Variants in DIS3L observed in about 807,000 individuals in gnomAD.
The protein encoded by DIS3L is DIS3-like exonuclease 1.
A neutral mutation model predicts 120.3 loss-of-function variants in DIS3L; 100 were observed. The observed-to-expected ratio is 0.83, with a 90% CI of 0.71 to 0.98. The LOEUF (loss-of-function observed/expected upper bound fraction) is 0.98, where lower values mean the gene tolerates loss of function less well. Among genes scored for constraint, DIS3L ranks in the 50% least tolerant of loss-of-function variants. The probability of loss-of-function intolerance (pLI) is 0.00; values close to 1 mark genes in which losing one functional copy is unlikely to be tolerated. For synonymous variants in DIS3L, 426 were observed against 470.6 expected (o/e 0.91, Z 1.23); for missense variants, 1,196 against 1,314.2 (o/e 0.91, Z 1.39).
intron 2 of DIS3L, among the ~76,000 whole-genome samples, chr15:66,300,320 T>C (rs2092634233): frequency 6.6e-6 from 1 of 152,186 alleles, no homozygotes; most frequent in Admixed American, 6.5e-5. Flanking sequence ...TATAATTCCA[T>C]TTATGTAAAA....
At chr15:66,330,927 G>A (rs142405429) in intron 14 of DIS3L, among the ~76,000 whole-genome samples, 5 of 152,224 alleles carry the variant, frequency 3.3e-5, no homozygotes, top group African/African-American at 2.4e-5. Flanking sequence ...GGTCGAGGCC[G>A]GTGGATCACC....
chr15:66,319,295 G>A (rs1157022082), intron 8 of DIS3L, among the ~76,000 whole-genome samples: 1 of 152,154 alleles, frequency 6.6e-6, no homozygotes, highest in Non-Finnish European at 1.5e-5. Context: ...TAAGTAGTCT[G>A]TGGTTAATAA....
chr15:66,327,510 T>G (rs1182707894), intron 12 of DIS3L, among the ~76,000 whole-genome samples: 3 of 151,738 alleles, frequency 2.0e-5, no homozygotes, highest in Non-Finnish European at 4.4e-5. Flanking sequence ...GTAATCCCAG[T>G]ACTTTGGGAG....
intron 6 of DIS3L, 171 bp from the exon 7 acceptor site, chr15:66,314,865 G>A (rs1231879800): frequency 1.6e-6 from 1 of 608,008 alleles, no homozygotes; most frequent in African/African-American, 1.8e-5. Flanking sequence ...CATGGTGCCA[G>A]CAATTCTTCA....
At chr15:66,316,306 A>G (rs1215706939) in intron 7 of DIS3L, among the ~76,000 whole-genome samples, 1 of 134,398 alleles carries the variant, frequency 7.4e-6, no homozygotes, top group Non-Finnish European at 1.7e-5. Context: ...GTTATCCTTG[A>G]CTTTTTTTTT....
chr15:66,295,016 T>C lies in DIS3L; in HGVS notation c.168T>C (p.Thr56=). Residue 56 remains threonine (T), a synonymous_variant, in exon 2 of 17, where the codon ACT becomes ACC. Coordinates refer to ENST00000319212, the MANE Select transcript of DIS3L (RefSeq NM_001143688.3). ...HDGKLLSSDV[T]HYVIPDWKVV... is the part of the protein sequence containing the mutation. ...GGAAACTCTTGTCTAGTGATGTGACTCATTACGTGATCCCAGACTGGAAAG... is the reference window on the plus strand; with the variant it reads ...GGAAACTCTTGTCTAGTGATGTGACCCATTACGTGATCCCAGACTGGAAAG... 1 of 1,613,940 alleles carries C rather than the reference T, an allele frequency of 6.2e-7. No homozygotes were observed. The highest frequency in any genetic ancestry group is 8.5e-7 in the Non-Finnish European group (1 of 1,179,884).
At position 66,333,253 on chromosome 15, in the gene DIS3L, C is replaced by A. The variant is rs2093022110; in HGVS notation, c.3106C>A (p.Leu1036Ile). The change falls in exon 17 of 17, where the codon CTT becomes ATT. Residue 1036 changes from leucine to isoleucine, a missense_variant. Transcript: ENST00000319212. ...AACAAAGGGAAGGAGCCTATACACA[C>A]TTCTAGAGGAGATACGGGACCTAGC... Reference protein sequence around the residue: ...RQTKGRSLYTLLEEIRDLALL... With the variant: ...RQTKGRSLYTILEEIRDLALL... 6.2e-7 allele frequency: 1 copy of A among 1,613,310 alleles called. No homozygotes were observed. The highest frequency in any genetic ancestry group is 1.7e-5 in the Admixed American group (1 of 59,820).
At chr15:66,298,001 G>T (rs759274884) in intron 2 of DIS3L, among the ~76,000 whole-genome samples, 2 of 151,992 alleles carry the variant, frequency 1.3e-5, no homozygotes, top group Non-Finnish European at 2.9e-5. Context: ...CCAACATGGC[G>T]AAATCCTGTC....
rs781611432 is a variant in DIS3L at position 66,322,934 on chromosome 15, G to A, written c.1574G>A (p.Arg525Lys). 6.2e-7 allele frequency: 1 copy of A among 1,613,884 alleles called. No homozygotes were observed. Residue 525 changes from arginine to lysine, a missense_variant and splice_region_variant, in exon 10 of 17, where the codon AGG (arginine) becomes AAG (lysine). Transcript: ENST00000319212. ...NSYIDIEART[R>K]ATTYYLADRR... ...TACATTGATATTGAAGCTAGAACAA[G>A]GTAATGCTATTTGAAATCAGCTCTA...
chr15:66,326,251 C>G lies in DIS3L; in HGVS notation c.2088C>G (p.Ile696Met). The change falls in exon 12 of 17, where the codon ATC (isoleucine) becomes ATG (methionine). Residue 696 changes from isoleucine to methionine, a missense_variant. Physicochemically the swap from Ile to Met is conservative, Grantham distance 10 (BLOSUM62 1). Coordinates refer to ENST00000319212, the MANE Select transcript of DIS3L (RefSeq NM_001143688.3). ...ILANHWVAKKIWESFPHQALL... is the reference protein window; with the variant it reads ...ILANHWVAKKMWESFPHQALL... ...CCAACCACTGGGTCGCCAAAAAGATCTGGGAGAGCTTCCCTCATCAGGCCT... is the reference window on the plus strand; with the variant it reads ...CCAACCACTGGGTCGCCAAAAAGATGTGGGAGAGCTTCCCTCATCAGGCCT... The G allele has an allele frequency of 6.2e-7, 1 of 1,614,196 alleles. No homozygotes were observed. Among genetic ancestry groups the G allele is most frequent in the Non-Finnish European group, 8.5e-7 (1 of 1,180,038 alleles).
At chr15:66,311,450 T>C (rs887518948) in intron 4 of DIS3L, among the ~76,000 whole-genome samples, 3 of 151,964 alleles carry the variant, frequency 2.0e-5, no homozygotes, top group African/African-American at 7.3e-5. Context: ...GTGTATGTGG[T>C]GTGTGTGGAG....
In DIS3L at chr15:66,308,822, G is replaced by A. The variant is rs764197998; in HGVS notation, c.536G>A (p.Gly179Glu). 1.3e-5 allele frequency: 21 copies of A among 1,612,930 alleles called. No homozygotes were observed. Among genetic ancestry groups the A allele is most frequent in the Non-Finnish European group, 1.7e-5 (20 of 1,179,418 alleles). The change falls in exon 4 of 17, where the codon GGA becomes GAA. Residue 179 changes from glycine to glutamate, a missense_variant. Transcript: ENST00000319212. ...CAGCAGTATGGAAGTGAAACAGAAG[G>A]AGTATTCGTGATTACTTTCAAGGTA... ...AIQQYGSETE[G>E]VFVITFKNYL...
At chr15:66,306,140 A>T (rs1331748835) in intron 2 of DIS3L, among the ~76,000 whole-genome samples, 1 of 151,752 alleles carries the variant, frequency 6.6e-6, no homozygotes, top group African/African-American at 2.4e-5. Flanking sequence ...TACCACGCTA[A>T]TTTTTGTATT....
chr15:66,323,046 C>T, intron 10 of DIS3L, 112 bp downstream of exon 10: 1 of 1,384,676 alleles, frequency 7.2e-7, no homozygotes, highest in Non-Finnish European at 9.7e-7. Context: ...TTGAAGGTCC[C>T]TTCCAGAAAA....
At chr15:66,318,394 C>T in intron 7 of DIS3L, 55 bp from the exon 8 acceptor site, 1 of 1,568,670 alleles carries the variant, frequency 6.4e-7, no homozygotes, top group South Asian at 1.2e-5. Context: ...TGGTCAGAGT[C>T]CAGATAGATG....
At chr15:66,294,460 A>C (rs890944972) in intron 1 of DIS3L, 1 of 986,140 alleles carries the variant, frequency 1.0e-6, no homozygotes, top group Non-Finnish European at 1.2e-6. Context: ...TGAACATTTC[A>C]GTTAGAGCTT....
At chr15:66,307,874 G>A (rs1463615843) in intron 3 of DIS3L, among the ~76,000 whole-genome samples, 5 of 152,152 alleles carry the variant, frequency 3.3e-5, no homozygotes, top group Non-Finnish European at 5.9e-5. Flanking sequence ...GGAGCCACAC[G>A]GAATGTGCCT....
rs985077885 is a variant in DIS3L at position 66,294,248 on chromosome 15, A to G, written c.139+513A>G. 4.1e-6 allele frequency: 4 copies of G among 984,684 alleles called. No individual in the cohort carries two copies. The African/African-American group carries it at 7.0e-5, about 17-fold the overall frequency. 61.0% of individuals were successfully genotyped at this position (984,684 alleles called of 1,614,324 possible). On this transcript the variant is annotated intron_variant, in intron 1 of 16. Coordinates refer to ENST00000319212, the MANE Select transcript of DIS3L (RefSeq NM_001143688.3). ...GAGCCACTTCACCGTAGATTTGTGA[A>G]CTCTCTGGGCCCGCACTGGAGCGGA...
At chr15:66,302,984 C>T (rs2092664462) in intron 2 of DIS3L, among the ~76,000 whole-genome samples, 1 of 152,160 alleles carries the variant, frequency 6.6e-6, no homozygotes, top group South Asian at 2.1e-4. Flanking sequence ...TGTCTCCCCT[C>T]CTTGGCCCCT....
Sources: gnomAD v4.1 joint callset for allele counts (sites outside exome capture counted in the v4.1 genomes callset) on GRCh38, gnomAD v4.1.1 for gene constraint, MANE v1.5 for transcripts, NCBI Gene and HGNC (gene_info 2026-07-23, HGNC 2026-07-21) for gene names.